Variants in CSGALNACT1 observed in about 807,000 individuals in gnomAD.
The protein encoded by CSGALNACT1 is beta4GalNAcT-1.
A neutral mutation model predicts 51.0 loss-of-function variants in CSGALNACT1; 52 were observed. The observed-to-expected ratio is 1.02, with a 90% CI of 0.82 to 1.29. The LOEUF is 1.29. CSGALNACT1 is among the 50% of genes most tolerant of loss of function. The probability of loss-of-function intolerance (pLI) is 0.00; values close to 1 mark genes in which losing one functional copy is unlikely to be tolerated. For missense variants in CSGALNACT1, 935 were observed against 679.2 expected (o/e 1.38, Z -4.19); for synonymous variants, 341 against 254.4 (o/e 1.34, Z -3.24).
chr8:19,453,797 A>G (rs2063596241), intron 5 of CSGALNACT1, among the ~76,000 whole-genome samples: 2 of 152,136 alleles, frequency 1.3e-5, no homozygotes, highest in Admixed American at 6.5e-5. Context: ...CTGTAGTCCC[A>G]GCTACTCGGG....
intron 3 of CSGALNACT1, among the ~76,000 whole-genome samples, chr8:19,579,375 G>A (rs561459269): frequency 1.3e-5 from 2 of 152,300 alleles, no homozygotes; most frequent in South Asian, 2.1e-4. Context: ...TCTTCTAGAA[G>A]GCTCTGGGTA....
chr8:19,480,613 T>C (rs1278317041), intron 4 of CSGALNACT1, among the ~76,000 whole-genome samples: 1 of 152,180 alleles, frequency 6.6e-6, no homozygotes. Flanking sequence ...AACAATTTCT[T>C]TTCCTTTGAG....
At chr8:19,426,624 A>G (rs1346607599) in intron 6 of CSGALNACT1, among the ~76,000 whole-genome samples, 1 of 152,260 alleles carries the variant, frequency 6.6e-6, no homozygotes, top group Non-Finnish European at 1.5e-5. Flanking sequence ...CTTGAATTGT[A>G]TTATCAACTG....
intron 3 of CSGALNACT1, among the ~76,000 whole-genome samples, chr8:19,565,468 C>G (rs2041716257): frequency 6.6e-6 from 1 of 152,168 alleles, no homozygotes; most frequent in East Asian, 1.9e-4. Flanking sequence ...TCATTCATCT[C>G]AGGTAGTTAG....
chr8:19,597,834 C>A (rs2049293819), intron 2 of CSGALNACT1, among the ~76,000 whole-genome samples: 1 of 152,216 alleles, frequency 6.6e-6, no homozygotes, highest in Admixed American at 6.5e-5. Context: ...CATACATATG[C>A]TAGATGCTAA....
intron 3 of CSGALNACT1, among the ~76,000 whole-genome samples, chr8:19,544,089 TA>T (rs149320238): frequency 0.15 from 23,133 of 151,146 alleles, 1,782 homozygotes; most frequent in Non-Finnish European, 0.17. Flanking sequence ...TTTTTTTTTT[TA>T]AACAAGTTGT....
intron 4 of CSGALNACT1, among the ~76,000 whole-genome samples, chr8:19,475,496 C>A (rs956650355): frequency 6.6e-6 from 1 of 152,116 alleles, no homozygotes; most frequent in Non-Finnish European, 1.5e-5. Flanking sequence ...GGAAAGCCCC[C>A]GGAGAACAGC....
At chr8:19,410,924 T>C (rs1389357372) in intron 8 of CSGALNACT1, among the ~76,000 whole-genome samples, 1 of 152,210 alleles carries the variant, frequency 6.6e-6, no homozygotes, top group Non-Finnish European at 1.5e-5. Flanking sequence ...AAGGACGCGC[T>C]CAATAGCAGT....
chr8:19,523,057 C>G (rs536213008), intron 3 of CSGALNACT1, among the ~76,000 whole-genome samples: 32 of 152,248 alleles, frequency 2.1e-4, no homozygotes, highest in African/African-American at 7.2e-4. Flanking sequence ...TGTGAAGCTG[C>G]AACAATTGCG....
intron 3 of CSGALNACT1, among the ~76,000 whole-genome samples, chr8:19,587,026 C>T (rs1487173576): frequency 6.6e-6 from 1 of 152,150 alleles, no homozygotes; most frequent in Admixed American, 6.5e-5. Context: ...CCTGGAAGGT[C>T]AGTATGGTGC....
At chr8:19,660,935 CAG>C (rs1383327852) in intron 1 of CSGALNACT1, among the ~76,000 whole-genome samples, 1 of 152,124 alleles carries the variant, frequency 6.6e-6, no homozygotes, top group East Asian at 1.9e-4. Context: ...TTTTTTGAGG[CAG>C]AGTCTTGCTC....
chr8:19,479,453 C>G (rs1261329476), intron 4 of CSGALNACT1, among the ~76,000 whole-genome samples: 1 of 152,208 alleles, frequency 6.6e-6, no homozygotes, highest in Admixed American at 6.5e-5. Context: ...TAATTTGACA[C>G]AGCTGTGGTT....
rs554718339 is a variant in CSGALNACT1, at chr8:19,716,025, G to A, written c.-297+41825C>T. Reference sequence around the variant, plus strand: ...AGCCTTGTAGTAGGGAATGAGGGTCGGAGGTTGTTCTCTTATTCTGATTAA... The same window carrying A: ...AGCCTTGTAGTAGGGAATGAGGGTCAGAGGTTGTTCTCTTATTCTGATTAA... On this transcript the variant is annotated intron_variant, in intron 1 of 1. Transcript: ENST00000517494. Among the ~76,000 whole-genome samples the A allele has an allele frequency of 5.3e-4, 81 of 152,268 alleles. No homozygotes were observed. The South Asian group carries it at 0.013, about 25-fold the overall frequency.
At chr8:19,512,248 T>A (rs1465440474) in intron 3 of CSGALNACT1, among the ~76,000 whole-genome samples, 2 of 152,126 alleles carry the variant, frequency 1.3e-5, no homozygotes, top group Non-Finnish European at 1.5e-5. Flanking sequence ...GACCGACAGC[T>A]AGCAAGGAAC....
At chr8:19,485,376 C>T (rs532092006) in intron 4 of CSGALNACT1, among the ~76,000 whole-genome samples, 1 of 152,204 alleles carries the variant, frequency 6.6e-6, no homozygotes, top group East Asian at 1.9e-4. Context: ...TAACCCCCTC[C>T]ACTGTGAGAG....
intron 1 of CSGALNACT1, among the ~76,000 whole-genome samples, chr8:19,715,626 C>T (rs2062761147): frequency 6.6e-6 from 1 of 152,126 alleles, no homozygotes; most frequent in Admixed American, 6.5e-5. Flanking sequence ...ACGATTTTAT[C>T]TTTTTCTTGC....
At chr8:19,524,699 A>T (rs2081339530) in intron 3 of CSGALNACT1, among the ~76,000 whole-genome samples, 1 of 152,204 alleles carries the variant, frequency 6.6e-6, no homozygotes, top group African/African-American at 2.4e-5. Flanking sequence ...TATCCCTATT[A>T]AAAGCCTCTA....
chr8:19,507,138 T>A (rs1241664451), intron 3 of CSGALNACT1, among the ~76,000 whole-genome samples: 3 of 152,172 alleles, frequency 2.0e-5, no homozygotes, highest in Non-Finnish European at 4.4e-5. Flanking sequence ...GGACAATGGT[T>A]CCAGCTAACT....
intron 4 of CSGALNACT1, among the ~76,000 whole-genome samples, chr8:19,496,743 C>T (rs946049873): frequency 6.6e-6 from 1 of 152,144 alleles, no homozygotes; most frequent in African/African-American, 2.4e-5. Flanking sequence ...CAGATACACT[C>T]AGCTAATGGT....
Sources: gnomAD v4.1 joint callset for allele counts (sites outside exome capture counted in the v4.1 genomes callset) on GRCh38, gnomAD v4.1.1 for gene constraint, MANE v1.5 for transcripts, NCBI Gene and HGNC (gene_info 2026-07-23, HGNC 2026-07-21) for gene names.